Variants in ARL14EP observed in about 807,000 individuals in gnomAD.
ARL14EP encodes ARL14 effector protein.
In ARL14EP, 12 loss-of-function variants were observed where a neutral mutation model predicts 23.1. The ratio of observed to expected loss-of-function variants is 0.52; its 90% confidence interval spans 0.33 to 0.84. The LOEUF (loss-of-function observed/expected upper bound fraction) is 0.84. Among genes scored for constraint, ARL14EP ranks in the 40% least tolerant of loss-of-function variants. ARL14EP has a pLI of 0.02. For synonymous variants in ARL14EP, 97 were observed against 102.0 expected, an observed-to-expected ratio of 0.95 and a Z score of 0.29; for missense variants, 253 against 307.3, an observed-to-expected ratio of 0.82 and a Z score of 1.32.
chr11:30,325,749 T>A (rs1404740268), intron 1 of ARL14EP, among the ~76,000 whole-genome samples: 2 of 152,134 alleles, frequency 1.3e-5, no homozygotes, highest in African/African-American at 2.4e-5. Flanking sequence ...TAAATGACAA[T>A]TAAAAGTAGA....
chr11:30,336,518 C>T lies in ARL14EP; in HGVS notation c.555-49C>T, dbSNP rs765052831. 2.8e-6 allele frequency: 4 copies of T among 1,416,288 alleles called. No individual in the cohort carries two copies. In the Admixed American group the frequency reaches 5.6e-5, roughly 20 times the overall value. The allele number at this position is 1,416,288 out of a possible 1,614,324, so 87.7% of individuals were successfully genotyped here. On this transcript the variant is annotated intron_variant, in intron 3 of 3. Transcript: ENST00000282032. Reference sequence around the variant, plus strand: ...TTTTTTACTGTATTTTCAATTAAATCAAAAATAACATATTTATGAGGTATA... The same window carrying T: ...TTTTTTACTGTATTTTCAATTAAATTAAAAATAACATATTTATGAGGTATA...
At chr11:30,327,558 A>G (rs946814795) in intron 1 of ARL14EP, among the ~76,000 whole-genome samples, 25 of 152,116 alleles carry the variant, frequency 1.6e-4, no homozygotes, top group Non-Finnish European at 2.8e-4. Context: ...GTGGCTAAAA[A>G]CTGGTGATGA....
intron 1 of ARL14EP, chr11:30,329,292 T>C (rs1947264577): frequency 6.9e-6 from 1 of 145,402 alleles, no homozygotes; most frequent in Non-Finnish European, 1.5e-5. Flanking sequence ...ATTCATGTAG[T>C]TTATTCATTT....
Position 30,331,290 on chromosome 11 carries a change from G to A in ARL14EP, c.342G>A (p.Lys114=). 1 of 1,613,952 alleles carries A rather than the reference G, an allele frequency of 6.2e-7. No individual in the cohort carries two copies. The highest frequency in any genetic ancestry group is 8.5e-7 in the Non-Finnish European group (1 of 1,179,878). ...GAAGACAGCTTGTACCTGGTTGGAA[G>A]CTTTGTCCAAAATGCACACAGATAA... ...KFGRQLVPGW[K]LCPKCTQIIN... The change falls in exon 2 of 4, where the codon AAG becomes AAA. Residue 114 remains lysine, a synonymous_variant. Transcript: ENST00000282032.
intron 1 of ARL14EP, chr11:30,327,939 GCAC>G: frequency 6.7e-6 from 1 of 148,186 alleles, no homozygotes; most frequent in African/African-American, 2.5e-5. Flanking sequence ...TCTCGCCACT[GCAC>G]TCTAGCCTGG....
At chr11:30,330,620 G>A (rs1463876873) in intron 1 of ARL14EP, 2 of 248,874 alleles carry the variant, frequency 8.0e-6, no homozygotes, top group Non-Finnish European at 1.6e-5. Flanking sequence ...TATTTCTCAT[G>A]TATCTTAGGA....
At position 30,336,661 on chromosome 11, in the gene ARL14EP, T is replaced by C; in HGVS notation, c.649T>C (p.Leu217=). 6.2e-7 allele frequency: 1 copy of C among 1,614,140 alleles called. No individual in the cohort carries two copies. The highest frequency in any genetic ancestry group is 8.5e-7 in the Non-Finnish European group (1 of 1,180,004). ...CTGTGACTGCCTGGATGAAGACTGC[T>C]TAGGATGTTTCTATGCTTGTCCTGC... ...DLCDCLDEDC[L]GCFYACPACG... Residue 217 remains leucine (L), a synonymous_variant, in exon 4 of 4, where the codon TTA becomes CTA. Transcript: ENST00000282032.
At chr11:30,327,279 T>C (rs1042559579) in intron 1 of ARL14EP, among the ~76,000 whole-genome samples, 1 of 152,122 alleles carries the variant, frequency 6.6e-6, no homozygotes, top group African/African-American at 2.4e-5. Flanking sequence ...TTGAATTTTG[T>C]AGTAATTTAG....
intron 3 of ARL14EP, among the ~76,000 whole-genome samples, chr11:30,333,605 G>A (rs1270442031): frequency 6.6e-6 from 1 of 152,098 alleles, no homozygotes; most frequent in African/African-American, 2.4e-5. Context: ...TCCACCTACT[G>A]GCTGTTCTCT....
chr11:30,335,065 G>A (rs1947320650), intron 3 of ARL14EP, among the ~76,000 whole-genome samples: 1 of 152,210 alleles, frequency 6.6e-6, no homozygotes, highest in Admixed American at 6.5e-5. Flanking sequence ...CTTCTGGAAA[G>A]GATTCACCAT....
chr11:30,332,821 T>C (rs375200089), intron 2 of ARL14EP, 45 bp from the exon 3 acceptor site: 1 of 1,604,048 alleles, frequency 6.2e-7, no homozygotes, highest in African/African-American at 1.3e-5. Flanking sequence ...TAATCTGTTG[T>C]CTGTTGTCAA....
chr11:30,324,392 TAACA>T (rs1947220738), intron 1 of ARL14EP, among the ~76,000 whole-genome samples: 1 of 152,190 alleles, frequency 6.6e-6, no homozygotes, highest in African/African-American at 2.4e-5. Context: ...AGGAGACTGG[TAACA>T]AACTAAAAAA....
chr11:30,331,759 G>A, intron 2 of ARL14EP: 2 of 1,021,588 alleles, frequency 2.0e-6, no homozygotes, highest in South Asian at 8.1e-5. Flanking sequence ...GCCTTTATAT[G>A]AAGGACTTGG....
At chr11:30,330,851 A>C in intron 1 of ARL14EP, 35 bp from the exon 2 acceptor site, 1 of 1,154,438 alleles carries the variant, frequency 8.7e-7, no homozygotes. Flanking sequence ...ATAAACTTGC[A>C]GCACAAATTT....
rs368006380 is a variant in ARL14EP, at chr11:30,332,870, G to A, written c.431G>A (p.Arg144Lys). ...RQKRKPESDG[R>K]TAKALRSLQF... ...AATTTGTTTACCTTTCTTCAGGGAAGAACTGCTAAAGCTTTGAGGTCATTA... is the reference window on the plus strand; with the variant it reads ...AATTTGTTTACCTTTCTTCAGGGAAAAACTGCTAAAGCTTTGAGGTCATTA... The change falls in exon 3 of 4, where the codon AGA (arginine) becomes AAA (lysine). Residue 144 changes from arginine (R) to lysine (K), a missense_variant. Transcript: ENST00000282032. 6.2e-7 allele frequency: 1 copy of A among 1,613,074 alleles called. No homozygotes were observed. The highest frequency in any genetic ancestry group is 1.1e-5 in the South Asian group (1 of 90,988).
At position 30,330,821 on chromosome 11, in the gene ARL14EP, A is replaced by G. The variant is rs1947276122; in HGVS notation, c.-63-65A>G. 9.3e-6 allele frequency: 8 copies of G among 864,506 alleles called. No homozygotes were observed. In the East Asian group the frequency reaches 2.1e-4, roughly 23 times the overall value. 53.6% of individuals were successfully genotyped at this position (864,506 alleles called of 1,614,324 possible). On this transcript the variant is annotated intron_variant, in intron 1 of 3. Transcript: ENST00000282032. ...TTAGATAGGTGTTGAATTTTATCAA[A>G]TGCTTTTTCAGTTTCCTAGATAAAC...
intron 3 of ARL14EP, among the ~76,000 whole-genome samples, chr11:30,336,257 T>TA (rs1193800813): frequency 2.0e-5 from 3 of 152,218 alleles, no homozygotes; most frequent in African/African-American, 7.2e-5. Context: ...TGGTAGCTAA[T>TA]AAAGTGAACC....
rs747893357 is a variant in ARL14EP, at chr11:30,331,161, A to G, written c.213A>G (p.Leu71=). 6 of 1,613,998 alleles carry G rather than the reference A, an allele frequency of 3.7e-6. No homozygotes were observed. The highest frequency in any genetic ancestry group is 5.1e-6 in the Non-Finnish European group (6 of 1,179,860). Residue 71 remains leucine (L), a synonymous_variant, in exon 2 of 4, where the codon TTA becomes TTG. Transcript: ENST00000282032. ...VKIYIDRFED[L]QKSCCDPFNI... is the part of the protein sequence containing the mutation. ...TTTACATTGACAGATTTGAGGATTTACAGAAGTCATGTTGTGACCCATTTA... is the reference window on the plus strand; with the variant it reads ...TTTACATTGACAGATTTGAGGATTTGCAGAAGTCATGTTGTGACCCATTTA...
intron 1 of ARL14EP, among the ~76,000 whole-genome samples, chr11:30,324,607 T>TG (rs1490108622): frequency 6.6e-6 from 1 of 152,152 alleles, no homozygotes; most frequent in Non-Finnish European, 1.5e-5. Context: ...TCCTAGACCT[T>TG]GCAAGCATCA....
Sources: allele counts gnomAD v4.1 joint callset (sites outside exome capture counted in the v4.1 genomes callset), GRCh38; gene constraint gnomAD v4.1.1; transcripts MANE v1.5; gene names NCBI Gene and HGNC (gene_info 2026-07-23, HGNC 2026-07-21).